LINC00632: variants seen among roughly 807,000 people sequenced by gnomAD.
LINC00632 encodes the protein ALDOA related specific transcript.
exon 5 of LINC00632, among the ~76,000 whole-genome samples, chrX:140,786,665 T>C (rs1932023635): frequency 9.0e-6 from 1 of 111,518 alleles, no homozygotes; most frequent in African/African-American, 3.2e-5. Context: ...TTTGGTTTAG[T>C]ATATTCCACT....
intron 3 of LINC00632, among the ~76,000 whole-genome samples, chrX:140,767,841 GGA>G (rs1383867846): frequency 1.8e-5 from 2 of 111,836 alleles, no homozygotes; most frequent in African/African-American, 6.5e-5. Context: ...CCATGGCAAA[GGA>G]GAGAGAGGCC....
At chrX:140,717,147 A>AT (rs1474343629) in intron 2 of LINC00632, among the ~76,000 whole-genome samples, 1 of 109,620 alleles carries the variant, frequency 9.1e-6, no homozygotes, top group African/African-American at 3.3e-5. Context: ...TGCCTGGCTA[A>AT]TTTTTTTGTA....
rs1569348783 is a variant in LINC00632, at chrX:140,724,514, TACACACACATTCCAC to T, written n.105-9356_105-9342del. ...ACATTCCATACACACACACATTCCA[TACACACACATTCCAC>T]ACACACATTCCATACACACACACAC... On this transcript the variant is annotated intron_variant and non_coding_transcript_variant, in intron 2 of 4. Coordinates refer to ENST00000648200, the Ensembl canonical transcript of LINC00632. Among the ~76,000 whole-genome samples the T allele has an allele frequency of 1.6e-4, 11 of 68,399 alleles. No homozygotes were observed. The East Asian group carries it at 5.5e-3, about 34-fold the overall frequency. The allele number at this position is 68,399 out of a possible 115,157, so 59.4% of individuals were successfully genotyped here. A position where few individuals can be genotyped will look rare whatever the true frequency, so the allele number is the denominator to read the frequency against.
chrX:140,753,783 T>C (rs1238229411), intron 3 of LINC00632, among the ~76,000 whole-genome samples: 1 of 86,669 alleles, frequency 1.2e-5, no homozygotes, highest in East Asian at 3.4e-4. Flanking sequence ...TTTTTTTTTT[T>C]TTTTTTTTTT....
intron 2 of LINC00632, among the ~76,000 whole-genome samples, chrX:140,713,296 C>A (rs1328985792): frequency 9.1e-6 from 1 of 110,210 alleles, no homozygotes; most frequent in Non-Finnish European, 1.9e-5. Context: ...TTTGAGGCCA[C>A]CGATGCCCTC....
At chrX:140,788,931 GTGT>G (rs1932066314) in exon 5 of LINC00632, among the ~76,000 whole-genome samples, 1 of 84,998 alleles carries the variant, frequency 1.2e-5, no homozygotes, top group Admixed American at 1.4e-4. Flanking sequence ...GTGTGTGTGT[GTGT>G]TTTATAGGGT....
At chrX:140,713,903 G>A in intron 2 of LINC00632, 1 of 274,098 alleles carries the variant, frequency 3.6e-6, no homozygotes, top group South Asian at 3.4e-5. Context: ...CACATCACAC[G>A]AACCCATTTT....
chrX:140,771,445 GA>G (rs1455533684), intron 3 of LINC00632, among the ~76,000 whole-genome samples: 1 of 107,403 alleles, frequency 9.3e-6, no homozygotes, highest in Non-Finnish European at 1.9e-5. Context: ...GGTGATGAAA[GA>G]AATCAATTAA....
At chrX:140,742,583 G>A (rs1004420868) in intron 3 of LINC00632, among the ~76,000 whole-genome samples, 1 of 110,501 alleles carries the variant, frequency 9.0e-6, no homozygotes, top group African/African-American at 3.3e-5. Flanking sequence ...TTGCCCTACT[G>A]AAATGTGGTC....
At position 140,768,634 on chromosome X, in the gene LINC00632, CTATAT is replaced by C. The variant is rs1360317463; in HGVS notation, n.192-3443_192-3439del. Among the ~76,000 whole-genome samples the C allele has an allele frequency of 3.4e-5, 2 of 58,114 alleles. 1 individual carries two copies. The highest frequency in any genetic ancestry group is 9.5e-5 in the African/African-American group (2 of 21,057). The allele number at this position is 58,114 out of a possible 115,157, so 50.5% of individuals were successfully genotyped here. A position where few individuals can be genotyped will look rare whatever the true frequency, so the allele number is the denominator to read the frequency against. ...ATTTATCACATAATAAATATATATA[CTATAT>C]AATATATTTATTATATATAATAAAT... On this transcript the variant is annotated intron_variant and non_coding_transcript_variant, in intron 3 of 4. Coordinates refer to ENST00000648200, the Ensembl canonical transcript of LINC00632.
chrX:140,735,209 TC>T (rs1025621462), intron 3 of LINC00632, among the ~76,000 whole-genome samples: 17 of 111,850 alleles, frequency 1.5e-4, no homozygotes, highest in African/African-American at 5.5e-4. Context: ...AAAATTTTGT[TC>T]CCATAAATAA....
chrX:140,739,991 T>G (rs1432245503), intron 3 of LINC00632, among the ~76,000 whole-genome samples: 1 of 112,283 alleles, frequency 8.9e-6, no homozygotes, highest in African/African-American at 3.2e-5. Context: ...TCTTTAAAAT[T>G]TTATCAGAGT....
chrX:140,783,233 C>A (rs1763064445), exon 5 of LINC00632: 3 of 224,646 alleles, frequency 1.3e-5, no homozygotes, highest in African/African-American at 5.9e-5. Flanking sequence ...CCAGCGACTT[C>A]AAGTCTTCCA....
Position 140,771,686 on chromosome X carries a change from T to TATATA in LINC00632, n.192-392_192-391insATATA, listed in dbSNP as rs35482755. Among the ~76,000 whole-genome samples the TATATA allele has an allele frequency of 7.8e-4, 52 of 66,761 alleles. 1 individual carries two copies. Among genetic ancestry groups the TATATA allele is most frequent in the Non-Finnish European group, 1.2e-3 (43 of 35,879 alleles). 58.0% of individuals were successfully genotyped at this position (66,761 alleles called of 115,157 possible). On this transcript the variant is annotated intron_variant and non_coding_transcript_variant, in intron 3 of 4. Transcript: ENST00000648200. ...GTGTGTATATATATATATATATATA[T>TATATA]TTTTTTTTTTTGAGACGGAATCTTA...
In LINC00632 at chrX:140,747,035, A is replaced by G. The variant is rs186493705; in HGVS notation, n.191+13071A>G. 4.2e-3 allele frequency among the ~76,000 whole-genome samples: 475 copies of G among 112,244 alleles called. 2 individuals carry two copies. Among genetic ancestry groups the G allele is most frequent in the African/African-American group, 0.014 (443 of 30,935 alleles). On this transcript the variant is annotated intron_variant and non_coding_transcript_variant, in intron 3 of 4. Coordinates refer to ENST00000648200, the Ensembl canonical transcript of LINC00632. ...CACAACTGAATCCATCTTAACAAGG[A>G]AAGGTAAATACATTTTCCCTGCAGT...
At chrX:140,757,431 G>T (rs192588060) in intron 3 of LINC00632, among the ~76,000 whole-genome samples, 80 of 111,395 alleles carry the variant, frequency 7.2e-4, no homozygotes, top group African/African-American at 2.5e-3. Flanking sequence ...TGGTGAGGAG[G>T]GAGAAGATTA....
At chrX:140,730,630 C>T (rs1346991119) in intron 2 of LINC00632, among the ~76,000 whole-genome samples, 1 of 111,147 alleles carries the variant, frequency 9.0e-6, no homozygotes, top group African/African-American at 3.3e-5. Context: ...CCACAACGCA[C>T]ATGCTCAGTC....
At chrX:140,767,390 C>T (rs1207494084) in intron 3 of LINC00632, among the ~76,000 whole-genome samples, 4 of 111,594 alleles carry the variant, frequency 3.6e-5, no homozygotes, top group African/African-American at 1.3e-4. Flanking sequence ...TATTTTTTTC[C>T]ATTTTTGTTA....
At chrX:140,788,909 ATATATGTG>A (rs1162368959) in exon 5 of LINC00632, among the ~76,000 whole-genome samples, 16 of 2,243 alleles carry the variant, frequency 7.1e-3, no homozygotes, top group Admixed American at 0.014. Context: ...GTGTATATAT[ATATATGTG>A]TGTGTGTGTG....
Sources: allele counts gnomAD v4.1 joint callset (sites outside exome capture counted in the v4.1 genomes callset), GRCh38; gene constraint gnomAD v4.1.1; transcripts MANE v1.5; gene names NCBI Gene and HGNC (gene_info 2026-07-23, HGNC 2026-07-21).